The following RMND5A variants were observed in gnomAD, a reference collection of about 807,000 sequenced individuals.
RMND5A encodes required for meiotic nuclear division 5 homolog A.
In RMND5A, 17 loss-of-function variants were observed where a neutral mutation model predicts 49.7. That is an observed-to-expected ratio of 0.34 (90% confidence interval 0.23 to 0.51). RMND5A has a LOEUF of 0.51. Among genes scored for constraint, RMND5A ranks in the 20% least tolerant of loss-of-function variants. The probability of loss-of-function intolerance (pLI) is 0.96; values close to 1 mark genes in which losing one functional copy is unlikely to be tolerated. For synonymous variants in RMND5A, 156 were observed against 167.7 expected, an observed-to-expected ratio of 0.93 and a Z score of 0.54; for missense variants, 255 against 471.3, an observed-to-expected ratio of 0.54 and a Z score of 4.25.
intron 2 of RMND5A, among the ~76,000 whole-genome samples, chr2:86,743,875 G>C (rs1681491322): frequency 1.3e-5 from 2 of 151,550 alleles, no homozygotes; most frequent in African/African-American, 4.9e-5. Context: ...TTACTTGGGA[G>C]GCTGAGGGAG....
intron 2 of RMND5A, among the ~76,000 whole-genome samples, chr2:86,742,299 T>C (rs2104389977): frequency 6.6e-6 from 1 of 151,740 alleles, no homozygotes; most frequent in Non-Finnish European, 1.5e-5. Context: ...CAGCAAAGTC[T>C]GGGAAGGCAG....
rs1681638188 is a variant in RMND5A at position 86,751,805 on chromosome 2, G to T, written c.286-91G>T. On this transcript the variant is annotated intron_variant, in intron 2 of 8. Transcript: ENST00000283632. ...AAATTGCAGTTGGGTTCTTATTGGG[G>T]TATCTCAGACTGAAACAAAGACCAT... 16 of 1,229,600 alleles carry T rather than the reference G, an allele frequency of 1.3e-5. No homozygotes were observed. In the East Asian group the frequency reaches 3.9e-4, roughly 30 times the overall value. The allele number at this position is 1,229,600 out of a possible 1,614,324, so 76.2% of individuals were successfully genotyped here. A position where few individuals can be genotyped will look rare whatever the true frequency, so the allele number is the denominator to read the frequency against.
At position 86,776,622 on chromosome 2, in the gene RMND5A, T is replaced by G. The variant is rs1157763200; in HGVS notation, c.*3211T>G. On this transcript the variant is annotated 3_prime_UTR_variant, in exon 9 of 9. Transcript: ENST00000283632. ...TGGATACTGCAACAGCCAAGAACTCTTGGTTATCCGCACAAGCTGCTGGTA... is the reference window on the plus strand; with the variant it reads ...TGGATACTGCAACAGCCAAGAACTCGTGGTTATCCGCACAAGCTGCTGGTA... 5 of 152,320 alleles carry G rather than the reference T, an allele frequency of 3.3e-5. No homozygotes were observed. Among genetic ancestry groups the G allele is most frequent in the Non-Finnish European group, 1.5e-5 (1 of 68,032 alleles). The allele number at this position is 152,320 out of a possible 1,614,324, so 9.4% of individuals were successfully genotyped here. A position where few individuals can be genotyped will look rare whatever the true frequency, so the allele number is the denominator to read the frequency against.
At position 86,743,993 on chromosome 2, in the gene RMND5A, AT is replaced by A. The variant is rs1457005969; in HGVS notation, c.285+2925del. Among the ~76,000 whole-genome samples, 14 of 151,242 alleles carry A rather than the reference AT, an allele frequency of 9.3e-5. No homozygotes were observed. In the South Asian group the frequency reaches 1.9e-3, roughly 20 times the overall value. On this transcript the variant is annotated intron_variant, in intron 2 of 8. Transcript: ENST00000283632. ...ACTCCATCTCAAAAAAAAAAAAAAA[AT>A]ACATACATACATACTATATTATTTA...
At chr2:86,763,317 CTT>C (rs1411338935) in intron 4 of RMND5A, among the ~76,000 whole-genome samples, 1 of 152,034 alleles carries the variant, frequency 6.6e-6, no homozygotes. Flanking sequence ...CATACTCATG[CTT>C]ATATGATTGA....
At position 86,773,679 on chromosome 2, in the gene RMND5A, T is replaced by G; in HGVS notation, c.*268T>G. Reference sequence around the variant, plus strand: ...ATTCAATGCAGGTTTTTGTACTTAATTATATGGTGATTTTTTTACTTTTTA... The same window carrying G: ...ATTCAATGCAGGTTTTTGTACTTAAGTATATGGTGATTTTTTTACTTTTTA... On this transcript the variant is annotated 3_prime_UTR_variant, in exon 9 of 9. Coordinates refer to ENST00000283632, the MANE Select transcript of RMND5A (RefSeq NM_022780.4). 3 of 278,304 alleles carry G rather than the reference T, an allele frequency of 1.1e-5. No individual in the cohort carries two copies. Among genetic ancestry groups the G allele is most frequent in the Non-Finnish European group, 2.0e-5 (3 of 150,402 alleles). 17.2% of individuals were successfully genotyped at this position (278,304 alleles called of 1,614,324 possible). A position where few individuals can be genotyped will look rare whatever the true frequency, so the allele number is the denominator to read the frequency against.
intron 1 of RMND5A, among the ~76,000 whole-genome samples, chr2:86,723,932 T>A (rs1267238760): frequency 1.3e-5 from 2 of 152,002 alleles, no homozygotes; most frequent in African/African-American, 4.8e-5. Flanking sequence ...AAAATTTCTC[T>A]CGTTAATCTT....
Position 86,743,155 on chromosome 2 carries a change from G to A in RMND5A, c.285+2086G>A, listed in dbSNP as rs528384095. Among the ~76,000 whole-genome samples, 21 of 152,234 alleles carry A rather than the reference G, an allele frequency of 1.4e-4. 1 individual carries two copies. The highest frequency in any genetic ancestry group is 5.1e-4 in the African/African-American group (21 of 41,516). ...AGCAGGTCTTTATAGATATTCATAA[G>A]GGTTGTCAGATATTTTGACTAATCT... On this transcript the variant is annotated intron_variant, in intron 2 of 8. Transcript: ENST00000283632.
chr2:86,754,872 C>G (rs1681703268), intron 4 of RMND5A, among the ~76,000 whole-genome samples: 1 of 152,008 alleles, frequency 6.6e-6, no homozygotes, highest in African/African-American at 2.4e-5. Context: ...TTTCTCAGTT[C>G]TGAGAAAATT....
intron 4 of RMND5A, among the ~76,000 whole-genome samples, chr2:86,762,902 C>T (rs1309523126): frequency 1.3e-5 from 2 of 151,444 alleles, no homozygotes; most frequent in African/African-American, 2.4e-5. Flanking sequence ...CAGCTGGGTG[C>T]GGTGGCGTGC....
At chr2:86,765,805 T>C (rs1672579808) in intron 5 of RMND5A, 54 bp from the exon 6 acceptor site, 3 of 1,540,268 alleles carry the variant, frequency 1.9e-6, no homozygotes. Context: ...TTCTTGCTTT[T>C]CGCAGCTTAT....
At chr2:86,765,231 G>A (rs1672570646) in intron 5 of RMND5A, 38 bp downstream of exon 5, 4 of 1,546,326 alleles carry the variant, frequency 2.6e-6, no homozygotes, top group Non-Finnish European at 1.8e-6. Context: ...GTTTGAAACA[G>A]GGCTATAGCC....
chr2:86,733,840 TA>T (rs1681370682), intron 1 of RMND5A, among the ~76,000 whole-genome samples: 2 of 135,520 alleles, frequency 1.5e-5, no homozygotes, highest in South Asian at 4.6e-4. Context: ...AACCTGGATG[TA>T]GTTATGGTGG....
chr2:86,771,669 A>G lies in RMND5A; in HGVS notation c.1069A>G (p.Ile357Val). ...NPPMKLVCGHIISRDALNKMF... is the reference protein window; with the variant it reads ...NPPMKLVCGHVISRDALNKMF... ...ACCCATGAAATTGGTCTGTGGTCAT[A>G]TTATATCAAGAGATGCCCTGAATAA... Residue 357 changes from isoleucine (I) to valine (V), a missense_variant, in exon 8 of 9, where the codon ATT (isoleucine) becomes GTT (valine). By Grantham distance (29) the Ile-to-Val change is conservative (BLOSUM62 3). Around this residue, in one of 3 missense-constraint regions of RMND5A, gnomAD observed 208 missense variants for 339.8 expected, o/e 0.61. Coordinates refer to ENST00000283632, the MANE Select transcript of RMND5A (RefSeq NM_022780.4). The G allele has an allele frequency of 1.9e-6, 3 of 1,613,460 alleles. No individual in the cohort carries two copies. Among genetic ancestry groups the G allele is most frequent in the Non-Finnish European group, 2.5e-6 (3 of 1,179,670 alleles).
chr2:86,745,949 G>T (rs1251197417), intron 2 of RMND5A, among the ~76,000 whole-genome samples: 1 of 152,098 alleles, frequency 6.6e-6, no homozygotes, highest in African/African-American at 2.4e-5. Context: ...ATGTTGAAGG[G>T]GAACAATAAT....
intron 6 of RMND5A, among the ~76,000 whole-genome samples, chr2:86,767,455 T>C (rs892378605): frequency 6.6e-6 from 1 of 150,890 alleles, no homozygotes; most frequent in Non-Finnish European, 1.5e-5. Context: ...TTGTCTTTTT[T>C]CTTAAATTTT....
At chr2:86,742,568 A>G (rs1415148191) in intron 2 of RMND5A, among the ~76,000 whole-genome samples, 3 of 150,682 alleles carry the variant, frequency 2.0e-5, no homozygotes, top group African/African-American at 7.4e-5. Flanking sequence ...CAGCAGCTGT[A>G]TCCTTCTAGA....
At chr2:86,768,989 A>G (rs150229199) in intron 6 of RMND5A, among the ~76,000 whole-genome samples, 2,283 of 152,330 alleles carry the variant, frequency 0.015, 69 homozygotes, top group African/African-American at 0.052. Context: ...TCTGTTGCCC[A>G]GGTTGGAGTG....
intron 8 of RMND5A, 114 bp downstream of exon 8, chr2:86,771,826 A>C (rs924411830): frequency 1.2e-5 from 10 of 854,382 alleles, no homozygotes; most frequent in Non-Finnish European, 1.8e-5. Context: ...AACTAAATAA[A>C]TTTCTTAACT....
Sources: allele counts gnomAD v4.1 joint callset (sites outside exome capture counted in the v4.1 genomes callset), GRCh38; gene constraint gnomAD v4.1.1; regional missense constraint gnomAD v4.1.1; transcripts MANE v1.5; gene names NCBI Gene and HGNC (gene_info 2026-07-23, HGNC 2026-07-21).